Variants in RBBP5 observed in about 807,000 individuals in gnomAD.
RBBP5 encodes the protein RB binding protein 5, histone lysine methyltransferase complex subunit, also known as retinoblastoma-binding protein 5.
Under a neutral mutation model 72.2 loss-of-function variants are expected in RBBP5, and 5 were observed. That is an observed-to-expected ratio of 0.07 (90% CI 0.04 to 0.15). RBBP5 has a LOEUF of 0.15. Among genes scored for constraint, RBBP5 ranks in the 10% least tolerant of loss-of-function variants. The pLI is 1.00. For missense variants in RBBP5, 322 were observed against 652.2 expected (o/e 0.49, Z 5.51); for synonymous variants, 209 against 237.2 (o/e 0.88, Z 1.09).
Position 205,088,680 on chromosome 1 carries a change from G to T in RBBP5, c.*107C>A. 2 of 1,176,496 alleles carry T rather than the reference G, an allele frequency of 1.7e-6. No individual in the cohort carries two copies. Among genetic ancestry groups the T allele is most frequent in the Non-Finnish European group, 2.4e-6 (2 of 822,332 alleles). 72.9% of individuals were successfully genotyped at this position (1,176,496 alleles called of 1,614,324 possible). ...TCACCCTCCCACCTCCTGGGTGGGAGGCACAGGCCTTTGTTTTAAATTAAA... is the reference window on the plus strand; with the variant it reads ...TCACCCTCCCACCTCCTGGGTGGGATGCACAGGCCTTTGTTTTAAATTAAA... On this transcript the variant is annotated 3_prime_UTR_variant, in exon 14 of 14. Coordinates refer to ENST00000264515, the MANE Select transcript of RBBP5 (RefSeq NM_005057.4).
rs1376207856 is a variant in RBBP5 at position 205,120,769 on chromosome 1, G to A, written c.19+1086C>T. Among the ~76,000 whole-genome samples, 3 of 151,046 alleles carry A rather than the reference G, an allele frequency of 2.0e-5. No individual in the cohort carries two copies. In the East Asian group the frequency reaches 5.8e-4, roughly 29 times the overall value. ...TGCACTCCAGCCTAGGCGACGGCGC[G>A]AGGCTGTCTTAAAAAAAAAAAAAAA... On this transcript the variant is annotated intron_variant, in intron 1 of 13. Coordinates refer to ENST00000264515, the MANE Select transcript of RBBP5 (RefSeq NM_005057.4).
intron 13 of RBBP5, among the ~76,000 whole-genome samples, chr1:205,092,604 C>G (rs1039005534): frequency 6.6e-6 from 1 of 151,222 alleles, no homozygotes; most frequent in Non-Finnish European, 1.5e-5. Context: ...TGTGCACCAC[C>G]ACGCCTGGCT....
At chr1:205,096,989 C>A in intron 11 of RBBP5, 78 bp from the exon 12 acceptor site, 1 of 1,298,490 alleles carries the variant, frequency 7.7e-7, no homozygotes, top group Non-Finnish European at 1.1e-6. Flanking sequence ...TCCTCTATCA[C>A]CTATATTAAG....
intron 4 of RBBP5, among the ~76,000 whole-genome samples, chr1:205,104,624 C>T (rs888096225): frequency 4.6e-5 from 7 of 150,782 alleles, no homozygotes; most frequent in Admixed American, 1.3e-4. Context: ...GGACAGATCA[C>T]GAGGTCAGGA....
At chr1:205,113,327 C>G (rs1656392160) in intron 3 of RBBP5, among the ~76,000 whole-genome samples, 1 of 151,492 alleles carries the variant, frequency 6.6e-6, no homozygotes. Flanking sequence ...CACCCAGGCA[C>G]TGGAGTGCAG....
At chr1:205,090,363 T>C (rs989284607) in intron 13 of RBBP5, among the ~76,000 whole-genome samples, 3 of 152,144 alleles carry the variant, frequency 2.0e-5, no homozygotes, top group African/African-American at 7.2e-5. Flanking sequence ...TCAACAGCAT[T>C]AGTAATAGGC....
intron 7 of RBBP5, 26 bp from the exon 8 acceptor site, chr1:205,100,090 A>G: frequency 6.2e-7 from 1 of 1,613,602 alleles, no homozygotes; most frequent in Non-Finnish European, 8.5e-7. Flanking sequence ...AGTACCAAGG[A>G]GAGCTGGAAC....
chr1:205,109,874 A>T (rs1323432013), intron 3 of RBBP5, among the ~76,000 whole-genome samples: 1 of 151,898 alleles, frequency 6.6e-6, no homozygotes, highest in Non-Finnish European at 1.5e-5. Context: ...CATCCTAACA[A>T]GGGGGGTGGC....
intron 13 of RBBP5, among the ~76,000 whole-genome samples, chr1:205,090,444 G>A (rs972262965): frequency 4.6e-5 from 7 of 152,092 alleles, no homozygotes; most frequent in South Asian, 2.1e-4. Flanking sequence ...TTGTTTTTCT[G>A]AATAGACAAA....
chr1:205,099,861 A>G lies in RBBP5; in HGVS notation c.907-49T>C, dbSNP rs1325226510. 6.2e-7 allele frequency: 1 copy of G among 1,613,534 alleles called. No individual in the cohort carries two copies. The highest frequency in any genetic ancestry group is 1.3e-5 in the African/African-American group (1 of 74,910). ...AAACAGGTTGTTAAGAACAGATTTT[A>G]GATTTTTTGGATTATGTGACTAACA... On this transcript the variant is annotated intron_variant, in intron 8 of 13. Transcript: ENST00000264515. This position sits in a 1 kb window ranked among gnomAD's most constrained non-coding sequence, Gnocchi z 4.7.
At chr1:205,106,608 A>G (rs183644708) in intron 3 of RBBP5, among the ~76,000 whole-genome samples, 6 of 152,302 alleles carry the variant, frequency 3.9e-5, no homozygotes, top group Admixed American at 6.5e-5. Flanking sequence ...AAGAAAAAGT[A>G]AAAAATAAAT....
In RBBP5 at chr1:205,096,709, T is replaced by C. The variant is rs766923551; in HGVS notation, c.1369A>G (p.Ile457Val). ...TCATTTGGTACTCCTTGAAGTTCTA[T>C]ATTGGTTGTTTTGGGTTTCTTCTTA... Reference protein sequence around the residue: ...PPKKKPKTTNIELQGVPNDEV... With the variant: ...PPKKKPKTTNVELQGVPNDEV... The change falls in exon 12 of 14, where the codon ATA becomes GTA. Residue 457 changes from isoleucine (I) to valine (V), a missense_variant. By Grantham distance (29) the Ile-to-Val change is conservative. Transcript: ENST00000264515. 4.3e-6 allele frequency: 7 copies of C among 1,614,030 alleles called. No homozygotes were observed. The East Asian group carries it at 6.7e-5, about 15-fold the overall frequency.
At chr1:205,114,650 A>T in intron 3 of RBBP5, 139 bp downstream of exon 3, 1 of 839,428 alleles carries the variant, frequency 1.2e-6, no homozygotes, top group Non-Finnish European at 1.8e-6. Flanking sequence ...CTCAGGATCT[A>T]CATAAACCAT....
At chr1:205,103,295 C>T (rs991314609) in intron 5 of RBBP5, among the ~76,000 whole-genome samples, 1 of 150,142 alleles carries the variant, frequency 6.7e-6, no homozygotes, top group Non-Finnish European at 1.5e-5. Context: ...CCATGTGCCA[C>T]AGTCAAAAAA....
At chr1:205,103,822 T>C in intron 5 of RBBP5, 35 bp downstream of exon 5, 1 of 1,600,900 alleles carries the variant, frequency 6.2e-7, no homozygotes, top group Non-Finnish European at 8.6e-7. Context: ...TGAGCCAGTG[T>C]ACAAGATGCC....
At chr1:205,093,295 A>G (rs1007448777) in intron 13 of RBBP5, among the ~76,000 whole-genome samples, 1 of 149,926 alleles carries the variant, frequency 6.7e-6, no homozygotes, top group Non-Finnish European at 1.5e-5. Flanking sequence ...CCCCGTCTCT[A>G]CTAAAAAAAC....
At chr1:205,103,384 A>C (rs1302644906) in intron 5 of RBBP5, among the ~76,000 whole-genome samples, 1 of 152,188 alleles carries the variant, frequency 6.6e-6, no homozygotes, top group Non-Finnish European at 1.5e-5. Flanking sequence ...ACCTAACCTG[A>C]CTTCTTATTC....
intron 1 of RBBP5, among the ~76,000 whole-genome samples, chr1:205,117,552 C>T (rs1233335610): frequency 6.6e-6 from 1 of 151,664 alleles, no homozygotes; most frequent in Non-Finnish European, 1.5e-5. Context: ...CCCAGCTACT[C>T]CAGAGGCTGA....
chr1:205,111,646 A>T (rs1176576249), intron 3 of RBBP5, among the ~76,000 whole-genome samples: 1 of 152,156 alleles, frequency 6.6e-6, no homozygotes. Flanking sequence ...AACACTCATT[A>T]TCTCCAGCCT....
Sources: allele counts gnomAD v4.1 joint callset (sites outside exome capture counted in the v4.1 genomes callset), GRCh38; gene constraint gnomAD v4.1.1; non-coding constraint Gnocchi (gnomAD v3.1); transcripts MANE v1.5; gene names NCBI Gene and HGNC (gene_info 2026-07-23, HGNC 2026-07-21).